The following TNRC18 variants were observed in gnomAD, a reference collection of about 807,000 sequenced individuals.
TNRC18 encodes trinucleotide repeat-containing gene 18 protein.
TNRC18 carries 69 observed loss-of-function variants against 226.7 expected under a neutral mutation model. That is an observed-to-expected ratio of 0.30 (90% CI 0.25 to 0.37). The LOEUF (loss-of-function observed/expected upper bound fraction) is 0.37. Ranked by LOEUF, TNRC18 falls within the 10% of genes least tolerant of loss-of-function variation. The probability of loss-of-function intolerance (pLI) is 1.00; values close to 1 mark genes in which losing one functional copy is unlikely to be tolerated. For missense variants in TNRC18, 4,754 were observed against 4,256.6 expected, an observed-to-expected ratio of 1.12 and a Z score of -3.25; for synonymous variants, 2,449 against 1,927.6, an observed-to-expected ratio of 1.27 and a Z score of -7.09.
chr7:5,422,197 A>G (rs1336900590), intron 1 of TNRC18, among the ~76,000 whole-genome samples: 2 of 151,994 alleles, frequency 1.3e-5, no homozygotes, highest in Non-Finnish European at 2.9e-5. Context: ...ATCCTACAAA[A>G]CAAGCTTTGG....
At chr7:5,410,074 G>C (rs1181153387) in intron 2 of TNRC18, among the ~76,000 whole-genome samples, 1 of 151,680 alleles carries the variant, frequency 6.6e-6, no homozygotes, top group African/African-American at 2.4e-5. Context: ...ATTTTGGAAG[G>C]CTGAAGCGGG....
chr7:5,320,236 G>T (rs1788209546), intron 24 of TNRC18, 82 bp downstream of exon 24: 1 of 1,090,572 alleles, frequency 9.2e-7, no homozygotes, highest in Non-Finnish European at 1.4e-6. Flanking sequence ...TCTTAAGCCA[G>T]TTAGAGTTGG....
intron 15 of TNRC18, 133 bp from the exon 16 acceptor site, chr7:5,357,409 T>TA: frequency 1.0e-6 from 1 of 995,908 alleles, no homozygotes; most frequent in Non-Finnish European, 1.4e-6. Flanking sequence ...TTAGCACGCA[T>TA]ATATATTTAT....
intron 2 of TNRC18, among the ~76,000 whole-genome samples, chr7:5,416,671 C>G (rs1206878658): frequency 6.6e-6 from 1 of 151,298 alleles, no homozygotes; most frequent in Admixed American, 6.6e-5. Flanking sequence ...GCCTGGCCAA[C>G]ACGGTAAAAC....
At chr7:5,368,061 A>AC (rs987740939) in intron 11 of TNRC18, among the ~76,000 whole-genome samples, 1 of 151,876 alleles carries the variant, frequency 6.6e-6, no homozygotes, top group African/African-American at 2.4e-5. Flanking sequence ...GAAAAAAAAA[A>AC]AACAACTTTG....
intron 18 of TNRC18, among the ~76,000 whole-genome samples, chr7:5,340,889 T>C (rs983928612): frequency 6.6e-6 from 1 of 152,132 alleles, no homozygotes; most frequent in African/African-American, 2.4e-5. Flanking sequence ...CACCAACCAA[T>C]GGATTTGCAA....
In TNRC18 at chr7:5,351,777, G is replaced by A. The variant is rs775368775; in HGVS notation, c.5470+42C>T. ...CTCGCTCACTCGCACGCACTCTCTC[G>A]CTAGGAAACACGGAAGGTATTTTGT... On this transcript the variant is annotated intron_variant, in intron 17 of 29. Transcript: ENST00000430969. The A allele has an allele frequency of 2.5e-5, 38 of 1,523,776 alleles. No individual in the cohort carries two copies. In the East Asian group the frequency reaches 2.5e-4, roughly 10 times the overall value. 94.4% of individuals were successfully genotyped at this position (1,523,776 alleles called of 1,614,324 possible). A position where few individuals can be genotyped will look rare whatever the true frequency, so the allele number is the denominator to read the frequency against.
At chr7:5,392,871 G>A (rs1221103625) in intron 3 of TNRC18, among the ~76,000 whole-genome samples, 1 of 152,138 alleles carries the variant, frequency 6.6e-6, no homozygotes, top group African/African-American at 2.4e-5. Flanking sequence ...AGTTAACCGG[G>A]CGTGATGGTG....
At chr7:5,337,180 C>A (rs1381318648) in intron 18 of TNRC18, among the ~76,000 whole-genome samples, 1 of 151,924 alleles carries the variant, frequency 6.6e-6, no homozygotes, top group Non-Finnish European at 1.5e-5. Context: ...TAATGGCGAA[C>A]TTCTCATCAG....
intron 17 of TNRC18, among the ~76,000 whole-genome samples, chr7:5,351,437 C>A (rs1791794594): frequency 6.9e-6 from 1 of 145,880 alleles, no homozygotes. Context: ...AAAGAGAGCC[C>A]GAACCAAGCC....
In TNRC18 at chr7:5,374,411, G is replaced by A. The variant is rs760108724; in HGVS notation, c.2873C>T (p.Ala958Val). The change falls in exon 10 of 30, where the codon GCG becomes GTG. Residue 958 changes from alanine (A) to valine (V), a missense_variant. Physicochemically the swap from Ala to Val is moderately conservative, Grantham distance 64. Transcript: ENST00000430969. The stretch of plus-strand genomic sequence containing the variant: ...GGCGGTGGCCAGGCCAGCCTTGCCC[G>A]CAGCCTCCAGGCCCCGCTTGCTCCC... ...EKGSKRGLEA[A>V]GKAGLATAGP... The A allele has an allele frequency of 8.9e-5, 136 of 1,535,302 alleles. No homozygotes were observed. Among genetic ancestry groups the A allele is most frequent in the Non-Finnish European group, 1.2e-4 (133 of 1,140,956 alleles).
intron 2 of TNRC18, among the ~76,000 whole-genome samples, chr7:5,400,186 T>C (rs1780985637): frequency 1.3e-5 from 2 of 152,108 alleles, no homozygotes; most frequent in South Asian, 4.2e-4. Flanking sequence ...CCTGAGCCAT[T>C]GAGCCTGGTC....
chr7:5,377,076 TC>T lies in TNRC18; in HGVS notation c.2462-84del. 1 of 1,509,024 alleles carries T rather than the reference TC, an allele frequency of 6.6e-7. No individual in the cohort carries two copies. Among genetic ancestry groups the T allele is most frequent in the Non-Finnish European group, 8.9e-7 (1 of 1,129,756 alleles). 93.5% of individuals were successfully genotyped at this position (1,509,024 alleles called of 1,614,324 possible). A position where few individuals can be genotyped will look rare whatever the true frequency, so the allele number is the denominator to read the frequency against. On this transcript the variant is annotated intron_variant, in intron 7 of 29. Transcript: ENST00000430969. This position sits in a 1 kb window ranked among gnomAD's most constrained non-coding sequence, Gnocchi z 5.8. Reference sequence around the variant, plus strand: ...CGGGCAGCCCCAGCCCAGCACCACCTCCCAAGTCCTGAACCTCCTGGGGCCT... The same window carrying T: ...CGGGCAGCCCCAGCCCAGCACCACCTCCAAGTCCTGAACCTCCTGGGGCCT...
intron 24 of TNRC18, among the ~76,000 whole-genome samples, chr7:5,316,327 T>C (rs1787846133): frequency 7.6e-6 from 1 of 132,190 alleles, no homozygotes; most frequent in South Asian, 2.6e-4. Context: ...ATGCCCAGGC[T>C]GGAGTGCAAT....
chr7:5,401,233 G>T (rs923286163), intron 2 of TNRC18, among the ~76,000 whole-genome samples: 2 of 144,028 alleles, frequency 1.4e-5, no homozygotes, highest in African/African-American at 2.5e-5. Context: ...GAGTCGGGGG[G>T]GGGCGGGGGG....
chr7:5,316,274 C>CTGTTTTTTTT (rs1405579367), intron 24 of TNRC18, among the ~76,000 whole-genome samples: 2 of 86,534 alleles, frequency 2.3e-5, no homozygotes, highest in African/African-American at 4.7e-5. Context: ...AGAAATGGGT[C>CTGTTTTTTTT]TTTTTTTTTT....
rs527570897 is a variant in TNRC18 at position 5,308,324 on chromosome 7, C to T, written c.8701-12G>A. 4.7e-5 allele frequency: 76 copies of T among 1,602,744 alleles called. No homozygotes were observed. Among genetic ancestry groups the T allele is most frequent in the African/African-American group, 9.4e-5 (7 of 74,646 alleles). ...TGGTATAGCGCGCGCTGCGGGCACG[C>T]GGGGATATCAGGATGGCAGGTGGGG... On this transcript the variant is annotated splice_polypyrimidine_tract_variant and intron_variant, in intron 29 of 29. Coordinates refer to ENST00000430969, the MANE Select transcript of TNRC18 (RefSeq NM_001080495.3).
intron 16 of TNRC18, 116 bp downstream of exon 16, chr7:5,356,800 G>A (rs529371427): frequency 1.2e-5 from 16 of 1,364,360 alleles, no homozygotes; most frequent in Non-Finnish European, 1.5e-5. Context: ...GCCCCAGAGA[G>A]AGAGCGAGAG....
intron 25 of TNRC18, 77 bp from the exon 26 acceptor site, chr7:5,315,225 G>C: frequency 6.8e-7 from 1 of 1,470,344 alleles, no homozygotes; most frequent in Non-Finnish European, 9.1e-7. Context: ...GGTCTGTCCC[G>C]GGGATCAGGG....
Sources: gnomAD v4.1 joint callset for allele counts (sites outside exome capture counted in the v4.1 genomes callset) on GRCh38, gnomAD v4.1.1 for gene constraint, Gnocchi (gnomAD v3.1) non-coding constraint, MANE v1.5 for transcripts, NCBI Gene and HGNC (gene_info 2026-07-23, HGNC 2026-07-21) for gene names.